SUGCT: variants seen among roughly 807,000 people sequenced by gnomAD.
SUGCT encodes succinyl-CoA:glutarate-CoA transferase.
In SUGCT, 41 loss-of-function variants were observed where a neutral mutation model predicts 55.0. The ratio of observed to expected loss-of-function variants is 0.74; its 90% confidence interval spans 0.58 to 0.97. The LOEUF (loss-of-function observed/expected upper bound fraction) is 0.97. Ranked by LOEUF, SUGCT falls within the 50% of genes least tolerant of loss-of-function variation. The pLI, the probability that SUGCT is intolerant of heterozygous loss-of-function variation, is 0.00. For missense variants in SUGCT, 568 were observed against 547.8 expected (o/e 1.04, Z -0.37); for synonymous variants, 187 against 200.4 (o/e 0.93, Z 0.56).
chr7:40,438,780 C>T (rs924888139), intron 9 of SUGCT, among the ~76,000 whole-genome samples: 5 of 151,398 alleles, frequency 3.3e-5, no homozygotes, highest in Admixed American at 2.0e-4. Flanking sequence ...TGTGTGTGCA[C>T]GGCATGTTAT....
intron 5 of SUGCT, among the ~76,000 whole-genome samples, chr7:40,193,929 T>C (rs570935953): frequency 6.6e-6 from 1 of 152,212 alleles, no homozygotes; most frequent in African/African-American, 2.4e-5. Context: ...AAGTATGTAG[T>C]CACAATTGAA....
At chr7:40,566,015 A>T (rs1796126941) in intron 12 of SUGCT, among the ~76,000 whole-genome samples, 2 of 150,702 alleles carry the variant, frequency 1.3e-5, no homozygotes, top group Non-Finnish European at 3.0e-5. Flanking sequence ...ACACACACAC[A>T]CACACACACG....
chr7:40,339,996 A>C (rs879554828), intron 9 of SUGCT, among the ~76,000 whole-genome samples: 10 of 152,188 alleles, frequency 6.6e-5, no homozygotes, highest in African/African-American at 9.7e-5. Context: ...ATATTGATAT[A>C]CATGCATGAT....
chr7:40,727,859 G>C (rs1241335278), intron 12 of SUGCT, among the ~76,000 whole-genome samples: 3 of 151,994 alleles, frequency 2.0e-5, no homozygotes, highest in Non-Finnish European at 4.4e-5. Flanking sequence ...ATTACATTAT[G>C]CATTTTTACT....
intron 12 of SUGCT, among the ~76,000 whole-genome samples, chr7:40,634,761 A>C (rs1421817266): frequency 6.6e-6 from 1 of 152,238 alleles, no homozygotes; most frequent in Admixed American, 6.5e-5. Context: ...GTTATTTGAA[A>C]ATTATTTTAT....
chr7:40,505,053 A>T (rs1434488487), intron 12 of SUGCT, among the ~76,000 whole-genome samples: 1 of 152,128 alleles, frequency 6.6e-6, no homozygotes, highest in Admixed American at 6.5e-5. Flanking sequence ...AAGAATTTGT[A>T]TTCTGTTGGA....
chr7:40,952,893 C>A, the SUGCT span, among the ~76,000 whole-genome samples: 2 of 152,128 alleles, frequency 1.3e-5, no homozygotes, highest in Non-Finnish European at 2.9e-5. Context: ...ACATTTTTTC[C>A]TTCATTTCAA....
intron 7 of SUGCT, among the ~76,000 whole-genome samples, chr7:40,239,150 C>T (rs533911509): frequency 6.6e-6 from 1 of 152,062 alleles, no homozygotes; most frequent in South Asian, 2.1e-4. Flanking sequence ...GGAGTGCAGC[C>T]TCCGTGGCAC....
At chr7:40,643,486 G>T (rs1381739699) in intron 12 of SUGCT, among the ~76,000 whole-genome samples, 1 of 152,158 alleles carries the variant, frequency 6.6e-6, no homozygotes, top group African/African-American at 2.4e-5. Flanking sequence ...AGTCCTCTTA[G>T]TTGAGCCTGG....
At chr7:40,701,297 G>T (rs1359519490) in intron 12 of SUGCT, among the ~76,000 whole-genome samples, 1 of 152,226 alleles carries the variant, frequency 6.6e-6, no homozygotes, top group Admixed American at 6.5e-5. Flanking sequence ...TAGGAAGTGT[G>T]TGTGGCAGGG....
chr7:40,827,495 C>T (rs1401322800), intron 13 of SUGCT, among the ~76,000 whole-genome samples: 1 of 152,192 alleles, frequency 6.6e-6, no homozygotes, highest in African/African-American at 2.4e-5. Flanking sequence ...CCCTGCTCAC[C>T]AGCTCCAATC....
chr7:40,341,165 G>A (rs886282190), intron 9 of SUGCT, among the ~76,000 whole-genome samples: 1 of 152,134 alleles, frequency 6.6e-6, no homozygotes, highest in Non-Finnish European at 1.5e-5. Context: ...TCTATTGACT[G>A]TTGAATCTCA....
chr7:40,803,258 C>G (rs957506163), intron 13 of SUGCT, among the ~76,000 whole-genome samples: 2 of 151,952 alleles, frequency 1.3e-5, no homozygotes, highest in Admixed American at 6.6e-5. Context: ...AAGTAGCAAC[C>G]TTTTATAGAT....
intron 12 of SUGCT, among the ~76,000 whole-genome samples, chr7:40,659,932 A>G (rs1801220700): frequency 6.6e-6 from 1 of 152,168 alleles, no homozygotes; most frequent in Non-Finnish European, 1.5e-5. Flanking sequence ...TTATTAAACT[A>G]GAGAGGAAAT....
Position 40,277,754 on chromosome 7 carries a change from T to C in SUGCT, c.720+3098T>C, listed in dbSNP as rs76082029. Among the ~76,000 whole-genome samples the C allele has an allele frequency of 2.5e-4, 38 of 151,714 alleles. 2 individuals are homozygous for C. The East Asian group carries it at 6.8e-3, about 27-fold the overall frequency. ...GCACAATGTGCAGGTTAGCTACACA[T>C]GTATACATGTGCCACGCTGGTGTGT... On this transcript the variant is annotated intron_variant, in intron 8 of 13. Transcript: ENST00000335693.
chr7:40,426,339 A>G (rs567139023), intron 9 of SUGCT, among the ~76,000 whole-genome samples: 28 of 152,302 alleles, frequency 1.8e-4, no homozygotes, highest in Non-Finnish European at 2.8e-4. Context: ...TGTCAGCTGG[A>G]TATATCTCAG....
At chr7:40,772,635 A>ATCTCTC (rs1789232235) in intron 13 of SUGCT, among the ~76,000 whole-genome samples, 1 of 99,470 alleles carries the variant, frequency 1.0e-5, no homozygotes, top group Admixed American at 1.0e-4. Flanking sequence ...ATCTATCTCT[A>ATCTCTC]TCATTTACTT....
chr7:40,922,253 A>G, the SUGCT span, among the ~76,000 whole-genome samples: 3 of 152,158 alleles, frequency 2.0e-5, no homozygotes, highest in Non-Finnish European at 4.4e-5. Context: ...CCTATCCCAG[A>G]GTTTCTGTAA....
At chr7:40,707,457 G>A (rs553656896) in intron 12 of SUGCT, among the ~76,000 whole-genome samples, 5 of 152,176 alleles carry the variant, frequency 3.3e-5, no homozygotes, top group Non-Finnish European at 7.3e-5. Context: ...GAGGAAAAGT[G>A]TGTGTTTCCC....
Sources: allele counts gnomAD v4.1 joint callset (sites outside exome capture counted in the v4.1 genomes callset), GRCh38; gene constraint gnomAD v4.1.1; transcripts MANE v1.5; gene names NCBI Gene and HGNC (gene_info 2026-07-23, HGNC 2026-07-21).